PDGFC: variants seen among roughly 807,000 people sequenced by gnomAD.
The protein encoded by PDGFC is platelet-derived growth factor C.
In PDGFC, 12 loss-of-function variants were observed where a neutral mutation model predicts 35.5. The observed-to-expected ratio is 0.34, with a 90% CI of 0.22 to 0.55. The LOEUF (loss-of-function observed/expected upper bound fraction) is 0.55. Among genes scored for constraint, PDGFC ranks in the 20% least tolerant of loss-of-function variants. PDGFC has a pLI of 0.91. For synonymous variants in PDGFC, 159 were observed against 148.8 expected (o/e 1.07, Z -0.50); for missense variants, 322 against 412.4 (o/e 0.78, Z 1.90).
chr4:156,808,357 T>A (rs995919267), intron 3 of PDGFC, among the ~76,000 whole-genome samples: 2 of 152,002 alleles, frequency 1.3e-5, no homozygotes, highest in Non-Finnish European at 2.9e-5. Context: ...TACAAAGAAA[T>A]CATTGTGGCC....
At chr4:156,851,223 A>T (rs1431617773) in intron 1 of PDGFC, among the ~76,000 whole-genome samples, 1 of 152,224 alleles carries the variant, frequency 6.6e-6, no homozygotes, top group Non-Finnish European at 1.5e-5. Context: ...AAAGTAAAGC[A>T]AGATCAAAAT....
chr4:156,955,677 A>G (rs1732192027), intron 1 of PDGFC, among the ~76,000 whole-genome samples: 1 of 151,966 alleles, frequency 6.6e-6, no homozygotes, highest in African/African-American at 2.4e-5. Context: ...AAACAAAAAG[A>G]CACACCCTTA....
intron 2 of PDGFC, among the ~76,000 whole-genome samples, chr4:156,816,213 T>C (rs1732081231): frequency 6.6e-6 from 1 of 152,208 alleles, no homozygotes; most frequent in African/African-American, 2.4e-5. Context: ...CTATGAATTA[T>C]CAAACCTGTC....
chr4:156,789,603 C>A, intron 3 of PDGFC, among the ~76,000 whole-genome samples: 1 of 152,094 alleles, frequency 6.6e-6, no homozygotes, highest in East Asian at 1.9e-4. Flanking sequence ...TGAGAAGTGG[C>A]TGACAAAATC....
intron 3 of PDGFC, among the ~76,000 whole-genome samples, chr4:156,775,282 A>G (rs754686527): frequency 4.6e-5 from 7 of 152,314 alleles, no homozygotes; most frequent in African/African-American, 9.6e-5. Context: ...CAAAAATATA[A>G]GCCTATATAT....
rs576850752 is a variant in PDGFC at position 156,955,164 on chromosome 4, C to T, written c.118+15622G>A. On this transcript the variant is annotated intron_variant, in intron 1 of 5. Coordinates refer to ENST00000502773, the MANE Select transcript of PDGFC (RefSeq NM_016205.3). ...CTTAAATCCACGTTGGCTTTGAACA[C>T]GCAGCATGAAGGAGAGATGATGGTT... Among the ~76,000 whole-genome samples the T allele has an allele frequency of 3.3e-5, 5 of 152,018 alleles. No homozygotes were observed. In the South Asian group the frequency reaches 1.0e-3, roughly 32 times the overall value.
At chr4:156,819,351 C>G (rs1460014776) in intron 2 of PDGFC, among the ~76,000 whole-genome samples, 1 of 152,158 alleles carries the variant, frequency 6.6e-6, no homozygotes, top group Non-Finnish European at 1.5e-5. Context: ...TGCCTGGCTT[C>G]AAAGTTTCAA....
At chr4:156,809,687 A>G (rs1036458195) in intron 3 of PDGFC, among the ~76,000 whole-genome samples, 2 of 148,326 alleles carry the variant, frequency 1.3e-5, no homozygotes, top group African/African-American at 5.2e-5. Flanking sequence ...ATACAACCAG[A>G]TAATCTATGT....
chr4:156,795,293 A>C (rs559712974), intron 3 of PDGFC, among the ~76,000 whole-genome samples: 1 of 152,342 alleles, frequency 6.6e-6, no homozygotes, highest in Admixed American at 6.5e-5. Context: ...GGTATGAGAG[A>C]GATAACTGTG....
chr4:156,842,762 C>A (rs557227574), intron 2 of PDGFC, among the ~76,000 whole-genome samples: 1 of 152,270 alleles, frequency 6.6e-6, no homozygotes, highest in African/African-American at 2.4e-5. Flanking sequence ...TCCAGTCTAA[C>A]ACTATTTGTA....
chr4:156,867,842 T>C (rs922946764), intron 1 of PDGFC, among the ~76,000 whole-genome samples: 3 of 152,188 alleles, frequency 2.0e-5, no homozygotes, highest in African/African-American at 7.2e-5. Context: ...AGAAAAAATG[T>C]GGAAGTTAGA....
intron 1 of PDGFC, among the ~76,000 whole-genome samples, chr4:156,862,445 T>C (rs1467121328): frequency 4.6e-5 from 7 of 152,096 alleles, no homozygotes; most frequent in Non-Finnish European, 1.0e-4. Flanking sequence ...AACTACAAAA[T>C]AATTCTTCCA....
At chr4:156,909,163 G>A (rs776283014) in intron 1 of PDGFC, among the ~76,000 whole-genome samples, 1 of 152,108 alleles carries the variant, frequency 6.6e-6, no homozygotes, top group Non-Finnish European at 1.5e-5. Flanking sequence ...TTCTGAGTTT[G>A]AGAAGAGAAA....
chr4:156,810,742 G>C (rs567409774), intron 3 of PDGFC, 95 bp downstream of exon 3: 9 of 816,612 alleles, frequency 1.1e-5, no homozygotes, highest in South Asian at 1.1e-4. Flanking sequence ...TTTGTTTTCT[G>C]ATTTTTTTTC....
chr4:156,905,440 T>C (rs1730892900), intron 1 of PDGFC, among the ~76,000 whole-genome samples: 1 of 152,072 alleles, frequency 6.6e-6, no homozygotes, highest in Admixed American at 6.6e-5. Context: ...GATGAGATAG[T>C]TGCCCATAAT....
rs1730122918 is a variant in PDGFC, at chr4:156,876,667, T to C, written c.119-26251A>G. On this transcript the variant is annotated intron_variant, in intron 1 of 5. Coordinates refer to ENST00000502773, the MANE Select transcript of PDGFC (RefSeq NM_016205.3). ...TTGGATTTCTCCTTAATTTCCCTGCTTGATTCTTCTTTATACACAAAATTA... is the reference window on the plus strand; with the variant it reads ...TTGGATTTCTCCTTAATTTCCCTGCCTGATTCTTCTTTATACACAAAATTA... 2.0e-5 allele frequency: 3 copies of C among 152,314 alleles called. No homozygotes were observed. The South Asian group carries it at 6.2e-4, about 32-fold the overall frequency. The allele number at this position is 152,314 out of a possible 1,614,324, so 9.4% of individuals were successfully genotyped here.
rs75250033 is a variant in PDGFC, at chr4:156,813,729, A to G, written c.315-2712T>C. On this transcript the variant is annotated intron_variant, in intron 2 of 5. Coordinates refer to ENST00000502773, the MANE Select transcript of PDGFC (RefSeq NM_016205.3). ...AGACATTGGATTATTTGGTAGGCCA[A>G]TGTTGAAAACATGTAGGCACATTCC... Among the ~76,000 whole-genome samples, 395 of 152,290 alleles carry G rather than the reference A, an allele frequency of 2.6e-3. 1 individual carries two copies. The highest frequency in any genetic ancestry group is 4.8e-3 in the Admixed American group (73 of 15,286).
intron 1 of PDGFC, among the ~76,000 whole-genome samples, chr4:156,951,451 A>G (rs1732079247): frequency 6.6e-6 from 1 of 151,690 alleles, no homozygotes; most frequent in Non-Finnish European, 1.5e-5. Flanking sequence ...TGGAGTTTTA[A>G]TATTTTTGTT....
At chr4:156,878,545 T>C (rs1225178922) in intron 1 of PDGFC, among the ~76,000 whole-genome samples, 1 of 152,160 alleles carries the variant, frequency 6.6e-6, no homozygotes, top group African/African-American at 2.4e-5. Flanking sequence ...TCCAAAATGG[T>C]TGTGACCAGA....
Sources: gnomAD v4.1 joint callset for allele counts (sites outside exome capture counted in the v4.1 genomes callset) on GRCh38, gnomAD v4.1.1 for gene constraint, MANE v1.5 for transcripts, NCBI Gene and HGNC (gene_info 2026-07-23, HGNC 2026-07-21) for gene names.